ST7: variants seen among roughly 807,000 people sequenced by gnomAD.
ST7 encodes suppression of tumorigenicity 7.
A neutral mutation model predicts 78.7 loss-of-function variants in ST7; 28 were observed. The ratio of observed to expected loss-of-function variants is 0.36; its 90% confidence interval spans 0.26 to 0.49. The LOEUF (loss-of-function observed/expected upper bound fraction) is 0.49, where lower values mean the gene tolerates loss of function less well. ST7 is among the 20% of genes least tolerant of loss of function. The pLI, the probability that ST7 is intolerant of heterozygous loss-of-function variation, is 0.99. For missense variants in ST7, 418 were observed against 696.0 expected, an observed-to-expected ratio of 0.60 and a Z score of 4.49; for synonymous variants, 247 against 249.6, an observed-to-expected ratio of 0.99 and a Z score of 0.10.
chr7:117,043,731 C>T (rs978470287), intron 1 of ST7, among the ~76,000 whole-genome samples: 5 of 152,126 alleles, frequency 3.3e-5, no homozygotes, highest in African/African-American at 7.2e-5. Context: ...ATTTCATAAA[C>T]GTTACTTCAG....
chr7:117,110,747 C>G (rs1802361793), intron 2 of ST7, among the ~76,000 whole-genome samples: 1 of 152,188 alleles, frequency 6.6e-6, no homozygotes, highest in Non-Finnish European at 1.5e-5. Context: ...TGAGCTAGGC[C>G]TAATGGTTGT....
chr7:116,954,137 C>G (rs1210617403), intron 1 of ST7: 2 of 151,774 alleles, frequency 1.3e-5, no homozygotes, highest in African/African-American at 4.8e-5. Flanking sequence ...GAAGTGTGGT[C>G]GGGGAGGCGC....
At chr7:117,048,968 A>G (rs796953895) in intron 1 of ST7, among the ~76,000 whole-genome samples, 106 of 152,310 alleles carry the variant, frequency 7.0e-4, no homozygotes, top group African/African-American at 2.6e-3. Flanking sequence ...TATCGAAAGA[A>G]CTTTTAAAAG....
At chr7:117,075,284 A>G (rs1469535637) in intron 1 of ST7, among the ~76,000 whole-genome samples, 1 of 152,214 alleles carries the variant, frequency 6.6e-6, no homozygotes, top group African/African-American at 2.4e-5. Flanking sequence ...CTTATTTTGA[A>G]TATATATTAT....
chr7:117,218,682 A>G (rs1792871647), intron 13 of ST7, among the ~76,000 whole-genome samples: 1 of 152,316 alleles, frequency 6.6e-6, no homozygotes, highest in South Asian at 2.1e-4. Flanking sequence ...ACAAACTCCA[A>G]CAAGTCGATC....
chr7:117,079,712 C>G (rs1799612434), intron 1 of ST7, among the ~76,000 whole-genome samples: 1 of 151,958 alleles, frequency 6.6e-6, no homozygotes, highest in Admixed American at 6.6e-5. Context: ...CAAAATAAAA[C>G]AAGTGTGTTT....
chr7:117,153,841 T>G (rs1025531702), intron 9 of ST7, among the ~76,000 whole-genome samples: 1 of 152,086 alleles, frequency 6.6e-6, no homozygotes, highest in Non-Finnish European at 1.5e-5. Flanking sequence ...ACTCTTGCAA[T>G]AAGCTTAGAT....
At chr7:117,084,889 A>G (rs1308929974) in intron 1 of ST7, among the ~76,000 whole-genome samples, 2 of 152,126 alleles carry the variant, frequency 1.3e-5, no homozygotes, top group African/African-American at 4.8e-5. Context: ...ATTATATTTT[A>G]TGTTTTTACT....
At chr7:117,136,825 T>A (rs2117056726) in intron 8 of ST7, 1 of 152,904 alleles carries the variant, frequency 6.5e-6, no homozygotes, top group South Asian at 2.1e-4. Context: ...AAATTTAAGA[T>A]AACTCTTTAA....
At chr7:117,049,655 G>A (rs932863998) in intron 1 of ST7, among the ~76,000 whole-genome samples, 1 of 152,204 alleles carries the variant, frequency 6.6e-6, no homozygotes, top group Non-Finnish European at 1.5e-5. Flanking sequence ...GTGTCTGCTG[G>A]CATAGCTGTA....
At chr7:117,203,423 A>G (rs1811059644) in intron 12 of ST7, among the ~76,000 whole-genome samples, 1 of 152,202 alleles carries the variant, frequency 6.6e-6, no homozygotes, top group Admixed American at 6.5e-5. Flanking sequence ...GGCAGTTACC[A>G]TCATGTTAGT....
At chr7:116,955,506 C>T (rs146026213) in intron 1 of ST7, among the ~76,000 whole-genome samples, 2 of 152,300 alleles carry the variant, frequency 1.3e-5, no homozygotes, top group African/African-American at 4.8e-5. Context: ...TTCTTGAAGG[C>T]AGAGCCTTCA....
chr7:117,021,568 A>G (rs903768020), intron 1 of ST7, among the ~76,000 whole-genome samples: 3 of 152,296 alleles, frequency 2.0e-5, no homozygotes, highest in Non-Finnish European at 4.4e-5. Context: ...ACGAACTTGT[A>G]ATTTGACCTT....
At chr7:117,158,697 C>T (rs907183246) in intron 9 of ST7, among the ~76,000 whole-genome samples, 3 of 152,178 alleles carry the variant, frequency 2.0e-5, no homozygotes, top group African/African-American at 7.2e-5. Context: ...GCATTTTATA[C>T]TGATCTGTAT....
At chr7:117,152,162 TTATATATATAAAAACTA>T (rs1215825970) in intron 9 of ST7, among the ~76,000 whole-genome samples, 10 of 118,274 alleles carry the variant, frequency 8.5e-5, no homozygotes, top group African/African-American at 3.1e-4. Context: ...AATATATGTA[TTATATATATAAAAACTA>T]TATATATATA....
chr7:116,955,065 A>C (rs1470789831), intron 1 of ST7: 1 of 468,480 alleles, frequency 2.1e-6, no homozygotes, highest in East Asian at 6.9e-5. Flanking sequence ...AGCCCTTTTG[A>C]GTCTGTCATC....
At chr7:117,182,223 C>G (rs1362028631) in intron 10 of ST7, among the ~76,000 whole-genome samples, 1 of 152,150 alleles carries the variant, frequency 6.6e-6, no homozygotes, top group Admixed American at 6.5e-5. Flanking sequence ...TAAAACAGGG[C>G]TAACAGTCCT....
intron 12 of ST7, among the ~76,000 whole-genome samples, chr7:117,194,641 A>C (rs547886076): frequency 1.2e-4 from 19 of 152,238 alleles, no homozygotes; most frequent in Non-Finnish European, 1.8e-4. Context: ...ATAGCTTTGC[A>C]TGTAAAGAAA....
chr7:117,132,194 T>C (rs1248114168), intron 6 of ST7, among the ~76,000 whole-genome samples: 1 of 151,832 alleles, frequency 6.6e-6, no homozygotes, highest in African/African-American at 2.4e-5. Context: ...AATTAATTTC[T>C]TGAAGGGCTA....
Sources: gnomAD v4.1 joint callset for allele counts (sites outside exome capture counted in the v4.1 genomes callset) on GRCh38, gnomAD v4.1.1 for gene constraint, MANE v1.5 for transcripts, NCBI Gene and HGNC (gene_info 2026-07-23, HGNC 2026-07-21) for gene names.